Variants in ATP13A3 observed in about 807,000 individuals in gnomAD.
The protein encoded by ATP13A3 is polyamine-transporting ATPase 13A3.
ATP13A3 carries 59 observed loss-of-function variants against 158.1 expected under a neutral mutation model. That is an observed-to-expected ratio of 0.37 (90% confidence interval 0.30 to 0.46). ATP13A3 has a LOEUF of 0.46. Ranked by LOEUF, ATP13A3 falls within the 20% of genes least tolerant of loss-of-function variation. The probability of loss-of-function intolerance (pLI) is 1.00; values close to 1 mark genes in which losing one functional copy is unlikely to be tolerated. For synonymous variants in ATP13A3, 491 were observed against 504.3 expected (o/e 0.97, Z 0.35); for missense variants, 1,166 against 1,525.2 (o/e 0.76, Z 3.92).
At chr3:194,453,287 A>C (rs1192297202) in intron 10 of ATP13A3, among the ~76,000 whole-genome samples, 1 of 151,140 alleles carries the variant, frequency 6.6e-6, no homozygotes, top group Admixed American at 6.6e-5. Context: ...CTTTAAAAAA[A>C]AAAAAAAAAA....
At position 194,431,908 on chromosome 3, in the gene ATP13A3, T is replaced by C. The variant is rs1204948413; in HGVS notation, c.2246-16A>G. ...ATACTGTCACCTAATTTTCAAAATA[T>C]TTTAAATGTATTGAAATTAAAATGG... On this transcript the variant is annotated splice_polypyrimidine_tract_variant and intron_variant, in intron 21 of 33. Transcript: ENST00000645319. 2 of 1,541,196 alleles carry C rather than the reference T, an allele frequency of 1.3e-6. No individual in the cohort carries two copies. The highest frequency in any genetic ancestry group is 1.7e-6 in the Non-Finnish European group (2 of 1,145,360).
At chr3:194,435,115 T>G (rs1717529593) in intron 20 of ATP13A3, among the ~76,000 whole-genome samples, 1 of 152,210 alleles carries the variant, frequency 6.6e-6, no homozygotes, top group Non-Finnish European at 1.5e-5. Context: ...CTATGAAATC[T>G]AAAATCTTTG....
chr3:194,456,135 T>C (rs1341859785), intron 7 of ATP13A3, among the ~76,000 whole-genome samples, 173 bp from the exon 8 acceptor site: 1 of 152,130 alleles, frequency 6.6e-6, no homozygotes, highest in African/African-American at 2.4e-5. Flanking sequence ...AAGAAGTCAA[T>C]AGTAGATACC....
chr3:194,451,414 G>GT (rs1718797629), intron 10 of ATP13A3: 1 of 152,130 alleles, frequency 6.6e-6, no homozygotes, highest in Non-Finnish European at 1.5e-5. Context: ...AGAAAACAAG[G>GT]TATCAATGAC....
At chr3:194,479,658 C>G (rs1720672106) in intron 2 of ATP13A3, among the ~76,000 whole-genome samples, 1 of 151,408 alleles carries the variant, frequency 6.6e-6, no homozygotes, top group East Asian at 1.9e-4. Flanking sequence ...TTAAAGAAAT[C>G]TAAAGGTCAC....
intron 21 of ATP13A3, 63 bp downstream of exon 21, chr3:194,433,709 A>C: frequency 1.3e-6 from 2 of 1,585,696 alleles, no homozygotes; most frequent in Non-Finnish European, 1.7e-6. Flanking sequence ...TTATCCCTCA[A>C]TATAATATAA....
Position 194,405,907 on chromosome 3 carries a change from A to G in ATP13A3, c.*12T>C, listed in dbSNP as rs925867412. The G allele has an allele frequency of 6.2e-7, 1 of 1,612,176 alleles. No homozygotes were observed. On this transcript the variant is annotated 3_prime_UTR_variant, in exon 34 of 34. Coordinates refer to ENST00000645319, the MANE Select transcript of ATP13A3 (RefSeq NM_001367549.1). ...TACTGCTATCAGCAATACCACTGAGACTGATTCACTGCTATGTTATGGTGA... is the reference window on the plus strand; with the variant it reads ...TACTGCTATCAGCAATACCACTGAGGCTGATTCACTGCTATGTTATGGTGA...
chr3:194,445,737 G>C (rs1456557073), intron 14 of ATP13A3, among the ~76,000 whole-genome samples: 1 of 151,932 alleles, frequency 6.6e-6, no homozygotes, highest in East Asian at 1.9e-4. Context: ...ATAATGAAAT[G>C]CACAAAAATC....
chr3:194,410,937 GGTGTGTGTGTGT>G (rs34952393), intron 33 of ATP13A3, among the ~76,000 whole-genome samples: 39 of 127,280 alleles, frequency 3.1e-4, no homozygotes, highest in African/African-American at 1.1e-3. Context: ...GGGGTGTTGG[GGTGTGTGTGTGT>G]GTGTGTGTGT....
intron 6 of ATP13A3, among the ~76,000 whole-genome samples, chr3:194,458,618 C>A (rs1221755835): frequency 2.0e-5 from 3 of 152,126 alleles, no homozygotes; most frequent in Non-Finnish European, 4.4e-5. Flanking sequence ...GAACTCCTCA[C>A]CTCAGGTGAT....
In ATP13A3 at chr3:194,448,626, A is replaced by G; in HGVS notation, c.981T>C (p.Val327=). 6.2e-7 allele frequency: 1 copy of G among 1,610,828 alleles called. No homozygotes were observed. Among genetic ancestry groups the G allele is most frequent in the Non-Finnish European group, 8.5e-7 (1 of 1,178,818 alleles). The change falls in exon 12 of 34, where the codon GTT becomes GTC. Residue 327 remains valine (V), a synonymous_variant. Coordinates refer to ENST00000645319, the MANE Select transcript of ATP13A3 (RefSeq NM_001367549.1). The surrounding 1 kb of genome is among the most constrained non-coding windows in gnomAD (Gnocchi z 4.0). ...TTGGCAAATTAGTCTTTGTCACTGGAACACTTTCTCCTTTAAAAAACAACA... is the reference window on the plus strand; with the variant it reads ...TTGGCAAATTAGTCTTTGTCACTGGGACACTTTCTCCTTTAAAAAACAACA... ...VNESMLTGES[V]PVTKTNLPNP... is the part of the protein sequence containing the mutation.
At chr3:194,490,608 T>G (rs1286638061), upstream of ATP13A3, among the ~76,000 whole-genome samples, 1 of 152,100 alleles carries the variant, frequency 6.6e-6, no homozygotes, top group African/African-American at 2.4e-5. The surrounding 1 kb of genome is among the most constrained non-coding windows in gnomAD (Gnocchi z 4.4). Context: ...TGTTGTGTTT[T>G]TGTTTGTTTG....
chr3:194,427,345 T>G (rs1056990593), intron 28 of ATP13A3, 93 bp from the exon 29 acceptor site: 1 of 1,216,208 alleles, frequency 8.2e-7, no homozygotes, highest in Non-Finnish European at 1.1e-6. Flanking sequence ...CTTTAAAAAT[T>G]TGTTTTTGCC....
chr3:194,464,196 G>A (rs527455626), intron 2 of ATP13A3, among the ~76,000 whole-genome samples: 10 of 152,076 alleles, frequency 6.6e-5, no homozygotes, highest in Non-Finnish European at 1.5e-4. Context: ...AGTTACTTAC[G>A]TCGTTTTAAT....
chr3:194,417,705 G>A lies in ATP13A3; in HGVS notation c.3402+2174C>T, dbSNP rs145562617. ...TGTAATCTTAATACTTTCGGAGGCT[G>A]AGGCAGGAGGATCACTTGAGCCCAG... On this transcript the variant is annotated intron_variant, in intron 31 of 33. Coordinates refer to ENST00000645319, the MANE Select transcript of ATP13A3 (RefSeq NM_001367549.1). 2.8e-3 allele frequency among the ~76,000 whole-genome samples: 430 copies of A among 152,262 alleles called. 3 individuals carry two copies. Among genetic ancestry groups the A allele is most frequent in the African/African-American group, 9.7e-3 (404 of 41,554 alleles).
intron 20 of ATP13A3, among the ~76,000 whole-genome samples, chr3:194,435,081 A>G (rs781322210): frequency 6.6e-6 from 1 of 152,218 alleles, no homozygotes; most frequent in South Asian, 2.1e-4. Flanking sequence ...CAAAATTCCA[A>G]TAAAAGTTGC....
rs187650975 is a variant in ATP13A3, at chr3:194,460,950, G to C, written c.52-119C>G. 69 of 1,077,640 alleles carry C rather than the reference G, an allele frequency of 6.4e-5. 1 individual carries two copies. The Admixed American group carries it at 1.8e-3, about 28-fold the overall frequency. The allele number at this position is 1,077,640 out of a possible 1,614,324, so 66.8% of individuals were successfully genotyped here. A position where few individuals can be genotyped will look rare whatever the true frequency, so the allele number is the denominator to read the frequency against. ...TATTTATTGTCTTGTCACATAAACT[G>C]TAAATATTTTCCAATCCATAATTTA... On this transcript the variant is annotated intron_variant, in intron 3 of 33. Transcript: ENST00000645319.
intron 29 of ATP13A3, among the ~76,000 whole-genome samples, chr3:194,426,822 C>T (rs1375921585): frequency 3.3e-5 from 5 of 151,918 alleles, no homozygotes; most frequent in East Asian, 1.9e-4. Context: ...CCACCATGCC[C>T]GGCTAATTTT....
intron 2 of ATP13A3, among the ~76,000 whole-genome samples, chr3:194,471,324 TAAAAAA>T (rs59967046): frequency 2.3e-5 from 2 of 88,112 alleles, no homozygotes; most frequent in African/African-American, 7.1e-5. Flanking sequence ...CAGCAAATTC[TAAAAAA>T]AAAAAAAAAA....
Sources: gnomAD v4.1 joint callset for allele counts (sites outside exome capture counted in the v4.1 genomes callset) on GRCh38, gnomAD v4.1.1 for gene constraint, Gnocchi (gnomAD v3.1) non-coding constraint, MANE v1.5 for transcripts, NCBI Gene and HGNC (gene_info 2026-07-23, HGNC 2026-07-21) for gene names.